Variants in ARHGAP25 observed in about 807,000 individuals in gnomAD.
ARHGAP25 encodes rho GTPase-activating protein 25.
A neutral mutation model predicts 71.0 loss-of-function variants in ARHGAP25; 34 were observed. That is an observed-to-expected ratio of 0.48 (90% CI 0.36 to 0.64). The LOEUF (loss-of-function observed/expected upper bound fraction) is 0.64. Ranked by LOEUF, ARHGAP25 falls within the 30% of genes least tolerant of loss-of-function variation. The probability of loss-of-function intolerance (pLI) is 0.00; values close to 1 mark genes in which losing one functional copy is unlikely to be tolerated. For missense variants in ARHGAP25, 706 were observed against 805.1 expected, an observed-to-expected ratio of 0.88 and a Z score of 1.49; for synonymous variants, 282 against 296.5, an observed-to-expected ratio of 0.95 and a Z score of 0.50.
At chr2:68,789,680 ATAGACAAGGG>A (rs1679028192) in intron 4 of ARHGAP25, among the ~76,000 whole-genome samples, 1 of 152,210 alleles carries the variant, frequency 6.6e-6, no homozygotes, top group Non-Finnish European at 1.5e-5. Flanking sequence ...AGCTATCTGC[ATAGACAAGGG>A]TAGTGGATGT....
At chr2:68,769,076 G>C (rs1266902253) in intron 1 of ARHGAP25, among the ~76,000 whole-genome samples, 1 of 152,108 alleles carries the variant, frequency 6.6e-6, no homozygotes, top group African/African-American at 2.4e-5. Flanking sequence ...TTCAGCAGGG[G>C]GCTGAGTCCT....
chr2:68,819,921 A>T (rs1681521018), intron 9 of ARHGAP25, among the ~76,000 whole-genome samples: 1 of 152,236 alleles, frequency 6.6e-6, no homozygotes, highest in Admixed American at 6.5e-5. Context: ...TTATATATTT[A>T]TAGGAACAAA....
At chr2:68,753,024 G>A (rs1463500060) in intron 1 of ARHGAP25, among the ~76,000 whole-genome samples, 1 of 151,970 alleles carries the variant, frequency 6.6e-6, no homozygotes, top group Non-Finnish European at 1.5e-5. Context: ...AATCCTCCCA[G>A]TTATGACAAC....
intron 2 of ARHGAP25, among the ~76,000 whole-genome samples, chr2:68,724,786 T>C (rs1674845355): frequency 6.6e-6 from 1 of 152,122 alleles, no homozygotes; most frequent in Admixed American, 6.5e-5. Context: ...ACCTTCTCCT[T>C]TCCATTTTCT....
At chr2:68,711,731 A>G (rs1047229395) in intron 2 of ARHGAP25, among the ~76,000 whole-genome samples, 2 of 131,324 alleles carry the variant, frequency 1.5e-5, no homozygotes, top group East Asian at 4.3e-4. Context: ...ATGTGTTCTC[A>G]TTGTTCAACT....
chr2:68,817,811 C>T (rs1006327183), intron 7 of ARHGAP25, 62 bp from the exon 8 acceptor site: 1 of 1,589,080 alleles, frequency 6.3e-7, no homozygotes, highest in Non-Finnish European at 8.6e-7. Flanking sequence ...CATTGGAACC[C>T]TGTAGTGCTT....
intron 2 of ARHGAP25, among the ~76,000 whole-genome samples, chr2:68,711,593 A>G (rs999439087): frequency 6.6e-5 from 10 of 152,114 alleles, no homozygotes; most frequent in Non-Finnish European, 1.5e-4. Context: ...ATAGGTATAC[A>G]TGTGTCATGG....
rs548099210 is a variant in ARHGAP25 at position 68,826,320 on chromosome 2, A to G, written c.*126A>G. ...GGAAAGGACATTTGAGGGAAACATCAAATTTCCCCATAAATAAATGAATGG... is the reference window on the plus strand; with the variant it reads ...GGAAAGGACATTTGAGGGAAACATCGAATTTCCCCATAAATAAATGAATGG... On this transcript the variant is annotated 3_prime_UTR_variant, in exon 11 of 11. Coordinates refer to ENST00000409202, the MANE Select transcript of ARHGAP25 (RefSeq NM_001007231.3). The G allele has an allele frequency of 4.1e-4, 370 of 894,848 alleles. 10 individuals carry two copies. The South Asian group carries it at 5.1e-3, about 12-fold the overall frequency. 55.4% of individuals were successfully genotyped at this position (894,848 alleles called of 1,614,324 possible).
intron 4 of ARHGAP25, among the ~76,000 whole-genome samples, chr2:68,793,167 G>A (rs989373990): frequency 2.0e-5 from 3 of 152,000 alleles, no homozygotes; most frequent in Middle Eastern, 3.2e-3. Flanking sequence ...TGTAGATTCT[G>A]GATATTAGTC....
intron 9 of ARHGAP25, 75 bp from the exon 10 acceptor site, chr2:68,822,264 CT>C: frequency 6.9e-7 from 1 of 1,447,140 alleles, no homozygotes; most frequent in East Asian, 2.3e-5. Flanking sequence ...GTTTTGGGGT[CT>C]CTAATCCATA....
At chr2:68,801,616 G>T (rs1679970805) in intron 4 of ARHGAP25, among the ~76,000 whole-genome samples, 1 of 152,196 alleles carries the variant, frequency 6.6e-6, no homozygotes, top group African/African-American at 2.4e-5. Flanking sequence ...GGAGGAATGG[G>T]AGGCAGCAGG....
intron 1 of ARHGAP25, among the ~76,000 whole-genome samples, chr2:68,769,447 G>A (rs1371234919): frequency 2.0e-5 from 3 of 151,992 alleles, no homozygotes; most frequent in Admixed American, 2.0e-4. Flanking sequence ...GATAGAATAC[G>A]GCTTACCCAA....
At chr2:68,770,746 T>C (rs1677436467) in intron 1 of ARHGAP25, among the ~76,000 whole-genome samples, 1 of 152,194 alleles carries the variant, frequency 6.6e-6, no homozygotes, top group Non-Finnish European at 1.5e-5. Flanking sequence ...CTATATTTTA[T>C]CATGGGCCTC....
intron 6 of ARHGAP25, among the ~76,000 whole-genome samples, chr2:68,815,374 G>A (rs1166702240): frequency 6.6e-6 from 1 of 151,572 alleles, no homozygotes; most frequent in Non-Finnish European, 1.5e-5. Context: ...GCTGGAGGGT[G>A]CGTTTTCTGC....
intron 1 of ARHGAP25, among the ~76,000 whole-genome samples, chr2:68,739,911 A>C (rs771756014): frequency 2.0e-5 from 3 of 146,506 alleles, no homozygotes; most frequent in Non-Finnish European, 3.0e-5. Context: ...CTTTGCAAAG[A>C]AAAAAAAAAT....
At chr2:68,799,260 G>A (rs1441571632) in intron 4 of ARHGAP25, among the ~76,000 whole-genome samples, 19 of 152,172 alleles carry the variant, frequency 1.2e-4, no homozygotes, top group Admixed American at 1.2e-3. Flanking sequence ...TTGGCAGCAT[G>A]AGACAGCCCC....
intron 1 of ARHGAP25, among the ~76,000 whole-genome samples, chr2:68,748,524 C>G (rs1332479002): frequency 1.3e-5 from 2 of 152,228 alleles, no homozygotes; most frequent in Non-Finnish European, 2.9e-5. Flanking sequence ...CTGCCAAGAA[C>G]AGTTTCTGTC....
In ARHGAP25 at chr2:68,819,253, A is replaced by G. The variant is rs551401562; in HGVS notation, c.1134A>G (p.Arg378=). 6.2e-7 allele frequency: 1 copy of G among 1,614,146 alleles called. No homozygotes were observed. The highest frequency in any genetic ancestry group is 8.5e-7 in the Non-Finnish European group (1 of 1,179,998). Reference sequence around the variant, plus strand: ...ACCCCAAGAAAGCTCCAGTGGCCCGAAGCTCTGTAGGCTGGGATGCCACTG... The same window carrying G: ...ACCCCAAGAAAGCTCCAGTGGCCCGGAGCTCTGTAGGCTGGGATGCCACTG... ...KNDPKKAPVA[R]SSVGWDATED... Residue 378 remains arginine, a synonymous_variant, in exon 9 of 11, where the codon CGA becomes CGG. Transcript: ENST00000409202.
chr2:68,790,528 G>T (rs1422670482), intron 4 of ARHGAP25, among the ~76,000 whole-genome samples: 12 of 152,202 alleles, frequency 7.9e-5, no homozygotes, highest in Admixed American at 7.9e-4. Flanking sequence ...TCTAACGTGG[G>T]TTGACTAGAT....
Sources: allele counts gnomAD v4.1 joint callset (sites outside exome capture counted in the v4.1 genomes callset), GRCh38; gene constraint gnomAD v4.1.1; transcripts MANE v1.5; gene names NCBI Gene and HGNC (gene_info 2026-07-23, HGNC 2026-07-21).